Variants in VPS45 observed in about 807,000 individuals in gnomAD.
VPS45 encodes the protein vacuolar protein sorting-associated protein 45.
In VPS45, 35 loss-of-function variants were observed where a neutral mutation model predicts 75.9. That is an observed-to-expected ratio of 0.46 (90% CI 0.35 to 0.61). The LOEUF (loss-of-function observed/expected upper bound fraction) is 0.61, where lower values mean the gene tolerates loss of function less well. VPS45 is among the 20% of genes least tolerant of loss of function. The pLI, the probability that VPS45 is intolerant of heterozygous loss-of-function variation, is 0.00. For synonymous variants in VPS45, 220 were observed against 238.2 expected (o/e 0.92, Z 0.70); for missense variants, 559 against 685.9 (o/e 0.81, Z 2.07).
chr1:150,135,179 A>G (rs587614795), intron 14 of VPS45, among the ~76,000 whole-genome samples: 55 of 152,310 alleles, frequency 3.6e-4, no homozygotes, highest in African/African-American at 1.3e-3. Context: ...ACTGATAAGT[A>G]CCTTAAAATA....
chr1:150,069,410 T>A (rs1285930730), intron 2 of VPS45, among the ~76,000 whole-genome samples: 1 of 152,014 alleles, frequency 6.6e-6, no homozygotes, highest in African/African-American at 2.4e-5. Flanking sequence ...AAATCTAGCT[T>A]GAGTCTCTCC....
chr1:150,074,266 G>A (rs782711592), intron 3 of VPS45, among the ~76,000 whole-genome samples: 1 of 151,640 alleles, frequency 6.6e-6, no homozygotes, highest in African/African-American at 2.4e-5. Context: ...TGGGTGATAC[G>A]CCCGCTTCAG....
intron 14 of VPS45, among the ~76,000 whole-genome samples, chr1:150,129,730 T>C (rs587757280): frequency 6.6e-6 from 1 of 151,974 alleles, no homozygotes; most frequent in South Asian, 2.1e-4. Context: ...ATTTTTGTAG[T>C]TTTAGTAGAG....
chr1:150,120,626 A>G (rs587596475), intron 14 of VPS45, among the ~76,000 whole-genome samples: 1 of 152,220 alleles, frequency 6.6e-6, no homozygotes, highest in East Asian at 1.9e-4. Context: ...TATTTCTTTA[A>G]AACAGTTCTT....
intron 13 of VPS45, among the ~76,000 whole-genome samples, chr1:150,099,311 A>G (rs781927202): frequency 1.3e-5 from 2 of 151,964 alleles, no homozygotes; most frequent in African/African-American, 2.4e-5. Flanking sequence ...CCTGGCCAAC[A>G]TAGTGAAACC....
chr1:150,141,442 A>T (rs781804949), intron 14 of VPS45, among the ~76,000 whole-genome samples: 13 of 152,216 alleles, frequency 8.5e-5, no homozygotes, highest in Admixed American at 2.6e-4. Context: ...TTTGTTTAGG[A>T]ATAGAAACAC....
chr1:150,105,216 A>G lies in VPS45; in HGVS notation c.1494-5280A>G, dbSNP rs11580393. On this transcript the variant is annotated intron_variant, in intron 13 of 14. Coordinates refer to ENST00000644510, the MANE Select transcript of VPS45 (RefSeq NM_007259.5). ...AAGCATTTCCCCTAAGAACTGGAAT[A>G]AGACAAAGATGTCCACTCTCACTGG... 7.6e-3 allele frequency among the ~76,000 whole-genome samples: 1,159 copies of G among 152,338 alleles called. 11 individuals carry two copies. Among genetic ancestry groups the G allele is most frequent in the Non-Finnish European group, 0.013 (861 of 68,024 alleles).
At chr1:150,082,483 C>T (rs1571833652) in intron 9 of VPS45, among the ~76,000 whole-genome samples, 1 of 146,574 alleles carries the variant, frequency 6.8e-6, no homozygotes. Flanking sequence ...CACTACACTC[C>T]AGCCTGGGCA....
At chr1:150,077,403 A>G (rs1655456177) in intron 6 of VPS45, 172 bp downstream of exon 6, 2 of 916,514 alleles carry the variant, frequency 2.2e-6, no homozygotes, top group East Asian at 2.7e-5. Context: ...AATTAGAGCT[A>G]AGATTCTTAG....
At chr1:150,127,165 A>G (rs587685534) in intron 14 of VPS45, among the ~76,000 whole-genome samples, 26 of 152,348 alleles carry the variant, frequency 1.7e-4, no homozygotes, top group African/African-American at 5.8e-4. Flanking sequence ...ATGCTGAAAG[A>G]TAATATTTTG....
At position 150,138,901 on chromosome 1, in the gene VPS45, C is replaced by A. The variant is rs149201313; in HGVS notation, c.1626-5808C>A. On this transcript the variant is annotated intron_variant, in intron 14 of 14. Coordinates refer to ENST00000644510, the MANE Select transcript of VPS45 (RefSeq NM_007259.5). ...ACATCCATTCCTTTAGTTGCTTAGG[C>A]AAAAAAAAACTTGGCATTTTCTTGA... Among the ~76,000 whole-genome samples the A allele has an allele frequency of 7.9e-3, 1,197 of 150,758 alleles. 39 individuals carry two copies. Among genetic ancestry groups the A allele is most frequent in the Admixed American group, 0.068 (1,025 of 15,158 alleles).
At chr1:150,132,580 C>T (rs1658888712) in intron 14 of VPS45, among the ~76,000 whole-genome samples, 1 of 152,190 alleles carries the variant, frequency 6.6e-6, no homozygotes, top group Non-Finnish European at 1.5e-5. Flanking sequence ...ATAAATGATG[C>T]ATCCTTCAGC....
At chr1:150,110,662 C>T in intron 14 of VPS45, 35 bp downstream of exon 14, 1 of 1,548,870 alleles carries the variant, frequency 6.5e-7, no homozygotes, top group South Asian at 1.2e-5. Context: ...ACTGTGTCCT[C>T]TTTCCCAGAG....
intron 14 of VPS45, among the ~76,000 whole-genome samples, chr1:150,135,608 A>C (rs1553813440): frequency 6.6e-6 from 1 of 151,486 alleles, no homozygotes; most frequent in South Asian, 2.1e-4. Context: ...TCAAAGAAAG[A>C]TGTAAGCTGA....
In VPS45 at chr1:150,077,055, T is replaced by C. The variant is rs926246652; in HGVS notation, c.439-39T>C. The stretch of plus-strand genomic sequence containing the variant: ...AAATAATTAGACTTGTAAGAGAAAA[T>C]TCAAATATTTTCTCTGAATATATGT... On this transcript the variant is annotated intron_variant, in intron 5 of 14. Transcript: ENST00000644510. The C allele has an allele frequency of 1.9e-6, 3 of 1,613,336 alleles. No homozygotes were observed. The African/African-American group carries it at 4.0e-5, about 22-fold the overall frequency.
intron 4 of VPS45, 147 bp from the exon 5 acceptor site, chr1:150,076,769 A>T: frequency 1.3e-6 from 1 of 744,256 alleles, no homozygotes; most frequent in Non-Finnish European, 2.2e-6. Context: ...GACTGTTGTT[A>T]CCCAATTATT....
chr1:150,136,365 C>A (rs1007520846), intron 14 of VPS45, among the ~76,000 whole-genome samples: 3 of 151,610 alleles, frequency 2.0e-5, no homozygotes, highest in Non-Finnish European at 4.4e-5. Flanking sequence ...ACCAGCCTGG[C>A]CAACATGGTG....
chr1:150,101,175 G>A (rs188968429), intron 13 of VPS45, among the ~76,000 whole-genome samples: 1 of 151,428 alleles, frequency 6.6e-6, no homozygotes, highest in East Asian at 1.9e-4. Flanking sequence ...GCTGAGGCAG[G>A]AGAATCACTT....
At chr1:150,074,064 G>A (rs2101504479) in intron 3 of VPS45, among the ~76,000 whole-genome samples, 1 of 150,780 alleles carries the variant, frequency 6.6e-6, no homozygotes, top group East Asian at 1.9e-4. Context: ...ACCCAGGCTG[G>A]AGTGCAGTGT....
Sources: gnomAD v4.1 joint callset for allele counts (sites outside exome capture counted in the v4.1 genomes callset) on GRCh38, gnomAD v4.1.1 for gene constraint, MANE v1.5 for transcripts, NCBI Gene and HGNC (gene_info 2026-07-23, HGNC 2026-07-21) for gene names.